The following BMPR1B variants were observed in gnomAD, a reference collection of about 807,000 sequenced individuals.
BMPR1B encodes the protein bone morphogenetic protein receptor type 1B.
A neutral mutation model predicts 59.1 loss-of-function variants in BMPR1B; 12 were observed. The ratio of observed to expected loss-of-function variants is 0.20; its 90% CI spans 0.13 to 0.33. The LOEUF (loss-of-function observed/expected upper bound fraction) is 0.33, where lower values mean the gene tolerates loss of function less well. BMPR1B is among the 10% of genes least tolerant of loss of function. BMPR1B has a pLI of 1.00. For synonymous variants in BMPR1B, 237 were observed against 207.3 expected, an observed-to-expected ratio of 1.14 and a Z score of -1.23; for missense variants, 550 against 610.9, an observed-to-expected ratio of 0.90 and a Z score of 1.05.
chr4:95,138,060 A>G (rs1172543440), intron 10 of BMPR1B, among the ~76,000 whole-genome samples: 1 of 152,116 alleles, frequency 6.6e-6, no homozygotes, highest in Non-Finnish European at 1.5e-5. Context: ...GTTCCTTTCT[A>G]TGTTTAGTGC....
chr4:94,851,971 T>C (rs1294280103), intron 1 of BMPR1B, among the ~76,000 whole-genome samples: 1 of 152,178 alleles, frequency 6.6e-6, no homozygotes, highest in Non-Finnish European at 1.5e-5. Flanking sequence ...TCAGTAAGTG[T>C]TTGTTGCATG....
At chr4:94,840,033 C>T (rs1724991520) in intron 1 of BMPR1B, among the ~76,000 whole-genome samples, 1 of 151,830 alleles carries the variant, frequency 6.6e-6, no homozygotes, top group African/African-American at 2.4e-5. Flanking sequence ...CTTAGTTTGG[C>T]TGGATATGAA....
intron 3 of BMPR1B, among the ~76,000 whole-genome samples, chr4:95,010,037 C>G (rs1723112591): frequency 6.6e-6 from 1 of 152,090 alleles, no homozygotes; most frequent in Non-Finnish European, 1.5e-5. Context: ...AGAGCATAAA[C>G]CAAACAGATT....
chr4:95,003,435 T>C (rs1254938473), intron 3 of BMPR1B, among the ~76,000 whole-genome samples: 1 of 152,208 alleles, frequency 6.6e-6, no homozygotes, highest in Admixed American at 6.5e-5. Context: ...TCTTGTTTAA[T>C]GAGATTTAAG....
intron 4 of BMPR1B, among the ~76,000 whole-genome samples, chr4:95,105,357 AAG>A (rs1278103527): frequency 6.6e-6 from 1 of 152,048 alleles, no homozygotes; most frequent in African/African-American, 2.4e-5. Flanking sequence ...CTTAAGCTTC[AAG>A]AGAGGGCGTG....
At chr4:95,150,469 AAC>A (rs1216925384) in intron 11 of BMPR1B, among the ~76,000 whole-genome samples, 1 of 142,914 alleles carries the variant, frequency 7.0e-6, no homozygotes. Context: ...AAAAAAAAAA[AAC>A]AAGTAGACGA....
At chr4:94,865,483 C>T (rs1578737006) in intron 1 of BMPR1B, among the ~76,000 whole-genome samples, 1 of 150,252 alleles carries the variant, frequency 6.7e-6, no homozygotes, top group Non-Finnish European at 1.5e-5. Context: ...CTCCACCTCC[C>T]AGGTTCAAGC....
intron 1 of BMPR1B, among the ~76,000 whole-genome samples, chr4:94,786,525 T>C (rs985928608): frequency 2.0e-5 from 3 of 152,078 alleles, no homozygotes; most frequent in African/African-American, 7.2e-5. Flanking sequence ...CACACTTAGC[T>C]AATTTTTATT....
At chr4:94,977,792 G>A (rs2149084019) in intron 2 of BMPR1B, among the ~76,000 whole-genome samples, 1 of 152,288 alleles carries the variant, frequency 6.6e-6, no homozygotes. Flanking sequence ...AGGTGGCGGA[G>A]GTTGTGGTGA....
chr4:94,919,522 A>G (rs928723683), intron 2 of BMPR1B, among the ~76,000 whole-genome samples: 8 of 152,084 alleles, frequency 5.3e-5, no homozygotes, highest in Admixed American at 4.6e-4. Flanking sequence ...GAGACACCTC[A>G]TTACTACCCC....
At chr4:94,808,955 T>C (rs1023766671) in intron 1 of BMPR1B, among the ~76,000 whole-genome samples, 2 of 152,070 alleles carry the variant, frequency 1.3e-5, no homozygotes, top group African/African-American at 4.8e-5. Context: ...CTTGGGAGGC[T>C]GAGGCAGGAG....
chr4:94,845,057 A>G (rs1578711833), intron 1 of BMPR1B, among the ~76,000 whole-genome samples: 1 of 150,830 alleles, frequency 6.6e-6, no homozygotes, highest in Non-Finnish European at 1.5e-5. Flanking sequence ...TCCAATATGA[A>G]GGGAGCAAAA....
chr4:94,949,743 A>G (rs1367201141), intron 2 of BMPR1B, among the ~76,000 whole-genome samples: 7 of 152,222 alleles, frequency 4.6e-5, no homozygotes, highest in Non-Finnish European at 8.8e-5. Context: ...TAGTGCCACA[A>G]TAAACATACG....
In BMPR1B at chr4:95,154,563, G is replaced by A; in HGVS notation, c.1399G>A (p.Gly467Arg). The change falls in exon 13 of 13, where the codon GGA becomes AGA. Residue 467 changes from glycine (G) to arginine (R), a missense_variant. Physicochemically the swap from Gly to Arg is moderately radical, Grantham distance 125. This residue lies in a region of BMPR1B where 123 missense variants were observed against 164.6 expected (regional missense o/e 0.75). Coordinates refer to ENST00000515059, the MANE Select transcript of BMPR1B (RefSeq NM_001203.3). ...WSSDECLRQMGKLMTECWAHN... is the reference protein window; with the variant it reads ...WSSDECLRQMRKLMTECWAHN... ...TCTTCCTCAGTGTCTAAGGCAGATG[G>A]GAAAACTCATGACAGAATGCTGGGC... is the stretch of plus-strand genomic sequence containing the variant. 6.2e-7 allele frequency: 1 copy of A among 1,614,078 alleles called. No individual in the cohort carries two copies. The highest frequency in any genetic ancestry group is 8.5e-7 in the Non-Finnish European group (1 of 1,179,986).
At chr4:94,911,230 G>C (rs1417494851) in intron 2 of BMPR1B, among the ~76,000 whole-genome samples, 1 of 152,152 alleles carries the variant, frequency 6.6e-6, no homozygotes, top group East Asian at 1.9e-4. Flanking sequence ...CAATCTTAGT[G>C]AATCTGGAAG....
intron 2 of BMPR1B, among the ~76,000 whole-genome samples, chr4:94,974,523 A>G (rs1237821368): frequency 2.0e-5 from 3 of 152,066 alleles, no homozygotes; most frequent in African/African-American, 7.2e-5. Context: ...TGCCTTTTGT[A>G]GACTCCTTTT....
intron 3 of BMPR1B, among the ~76,000 whole-genome samples, chr4:95,100,009 TA>T (rs1351593204): frequency 6.6e-6 from 1 of 152,210 alleles, no homozygotes; most frequent in African/African-American, 2.4e-5. Context: ...GTCGTTTTAT[TA>T]ATTTCAACAT....
At position 95,140,780 on chromosome 4, in the gene BMPR1B, A is replaced by G. The variant is rs1330423247; in HGVS notation, c.1077-7968A>G. Among the ~76,000 whole-genome samples, 3 of 152,276 alleles carry G rather than the reference A, an allele frequency of 2.0e-5. No homozygotes were observed. In the Middle Eastern group the frequency reaches 0.01, roughly 518 times the overall value. ...TATAGATATTCTAACATTGTTGTGA[A>G]TCAATAAATGTAGGCAATAGCAAAG... On this transcript the variant is annotated intron_variant, in intron 10 of 12. Transcript: ENST00000515059.
chr4:95,097,485 T>TTGAC (rs1193667360), intron 3 of BMPR1B, among the ~76,000 whole-genome samples: 2 of 152,180 alleles, frequency 1.3e-5, no homozygotes, highest in African/African-American at 4.8e-5. Context: ...ATCAATTTTG[T>TTGAC]TGACATTTGC....
Sources: gnomAD v4.1 joint callset for allele counts (sites outside exome capture counted in the v4.1 genomes callset) on GRCh38, gnomAD v4.1.1 for gene constraint, gnomAD v4.1.1 regional missense constraint, MANE v1.5 for transcripts, NCBI Gene and HGNC (gene_info 2026-07-23, HGNC 2026-07-21) for gene names.